Variants in TMEM230 observed in about 807,000 individuals in gnomAD.
TMEM230 encodes the protein transmembrane protein 230.
TMEM230 carries 10 observed loss-of-function variants against 15.8 expected under a neutral mutation model. That is an observed-to-expected ratio of 0.63 (90% CI 0.39 to 1.07). The LOEUF (loss-of-function observed/expected upper bound fraction) is 1.07, where lower values mean the gene tolerates loss of function less well. Among genes scored for constraint, TMEM230 ranks in the 50% least tolerant of loss-of-function variants. TMEM230 has a pLI of 0.01. For missense variants in TMEM230, 165 were observed against 193.3 expected, an observed-to-expected ratio of 0.85 and a Z score of 0.87; for synonymous variants, 67 against 76.9, an observed-to-expected ratio of 0.87 and a Z score of 0.68.
chr20:5,087,105 T>C (rs2089364855), intron 3 of TMEM230, among the ~76,000 whole-genome samples: 3 of 152,042 alleles, frequency 2.0e-5, no homozygotes, highest in African/African-American at 7.2e-5. Context: ...AACTCACAGA[T>C]GCAAGCAATC....
intron 3 of TMEM230, among the ~76,000 whole-genome samples, chr20:5,070,620 G>A (rs1207571862): frequency 6.6e-6 from 1 of 152,196 alleles, no homozygotes; most frequent in Non-Finnish European, 1.5e-5. Flanking sequence ...GTGACAGGTG[G>A]CCTCCTTTCA....
chr20:5,097,296 G>C (rs112050917), downstream of TMEM230, among the ~76,000 whole-genome samples: 155 of 152,258 alleles, frequency 1.0e-3, 3 homozygotes, highest in South Asian at 0.015. Context: ...TCAACCAAGA[G>C]ACCCACCAGA....
chr20:5,095,727 T>C (rs62200436), downstream of TMEM230, among the ~76,000 whole-genome samples: 3 of 152,262 alleles, frequency 2.0e-5, no homozygotes, highest in Non-Finnish European at 2.9e-5. Context: ...GGTAGGGTTC[T>C]TGACATACAG....
chr20:5,090,367 G>A (rs1055897987), intron 3 of TMEM230, among the ~76,000 whole-genome samples: 9 of 152,242 alleles, frequency 5.9e-5, no homozygotes, highest in Middle Eastern at 3.4e-3. Flanking sequence ...TACAAGCATC[G>A]AGAGAGAAAA....
At chr20:5,107,077 G>A (rs374306569) in intron 3 of TMEM230, among the ~76,000 whole-genome samples, 5 of 152,144 alleles carry the variant, frequency 3.3e-5, no homozygotes, top group Admixed American at 6.5e-5. Context: ...TGAGGCAGGC[G>A]GATCACTTGA....
chr20:5,075,355 G>A (rs1374567942), intron 3 of TMEM230, among the ~76,000 whole-genome samples: 4 of 151,554 alleles, frequency 2.6e-5, no homozygotes, highest in Non-Finnish European at 4.4e-5. Flanking sequence ...GTAAGCCACC[G>A]CGCCCGGCCT....
chr20:5,104,313 G>T (rs1460499072), intron 4 of TMEM230, among the ~76,000 whole-genome samples: 1 of 152,168 alleles, frequency 6.6e-6, no homozygotes, highest in African/African-American at 2.4e-5. Context: ...TCCTGCCTCG[G>T]CCTCCAAAAG....
intron 2 of TMEM230, chr20:5,111,250 G>A: frequency 6.6e-6 from 1 of 150,492 alleles, no homozygotes; most frequent in East Asian, 2.0e-4. Flanking sequence ...AAAGCTATAT[G>A]ATCAAAATGG....
At chr20:5,091,756 T>C (rs2089513622) in intron 3 of TMEM230, among the ~76,000 whole-genome samples, 1 of 152,188 alleles carries the variant, frequency 6.6e-6, no homozygotes, top group East Asian at 1.9e-4. Flanking sequence ...CCGTAGTAGA[T>C]GCCCCCAAAA....
chr20:5,090,592 A>G (rs1046045284), intron 3 of TMEM230, among the ~76,000 whole-genome samples: 49 of 152,314 alleles, frequency 3.2e-4, no homozygotes, highest in African/African-American at 1.1e-3. Context: ...TACATAGAAA[A>G]TCATGCAAAT....
chr20:5,071,887 GTGCCACCACGC>G (rs2088840931), intron 3 of TMEM230, among the ~76,000 whole-genome samples: 1 of 151,764 alleles, frequency 6.6e-6, no homozygotes, highest in Admixed American at 6.6e-5. Context: ...TTACAGGTGT[GTGCCACCACGC>G]TGCCACCACA....
chr20:5,071,309 G>C (rs530890557), intron 3 of TMEM230, among the ~76,000 whole-genome samples: 1 of 152,050 alleles, frequency 6.6e-6, no homozygotes, highest in African/African-American at 2.4e-5. Context: ...AGAAAGATGG[G>C]AGCATGAATA....
At chr20:5,081,864 C>CTTTTTTTTTT (rs770805896) in intron 3 of TMEM230, among the ~76,000 whole-genome samples, 21 of 140,332 alleles carry the variant, frequency 1.5e-4, no homozygotes, top group African/African-American at 6.2e-4. Flanking sequence ...CACTGATTTT[C>CTTTTTTTTTT]TTTTTTTTCT....
At chr20:5,104,393 C>T (rs922176270) in intron 4 of TMEM230, among the ~76,000 whole-genome samples, 2 of 152,154 alleles carry the variant, frequency 1.3e-5, no homozygotes, top group South Asian at 2.1e-4. Flanking sequence ...ACGGCAATAA[C>T]GAATGCTAGC....
intron 3 of TMEM230, among the ~76,000 whole-genome samples, chr20:5,072,011 A>C (rs893251919): frequency 3.0e-4 from 46 of 151,298 alleles, no homozygotes; most frequent in African/African-American, 1.1e-3. Flanking sequence ...TCAGCCTCCC[A>C]AAGTGCTGAG....
chr20:5,111,863 T>C lies in TMEM230; in HGVS notation c.69-258A>G, dbSNP rs1170968379. ...CTTTTTTTTTGGTGTTTTCTTTTTT[T>C]TGAGACGGAGTCTCGCTCTGTCACC... On this transcript the variant is annotated intron_variant, in intron 1 of 4. Transcript: ENST00000342308. 6 of 879,488 alleles carry C rather than the reference T, an allele frequency of 6.8e-6. No homozygotes were observed. In the African/African-American group the frequency reaches 1.1e-4, roughly 16 times the overall value. 54.5% of individuals were successfully genotyped at this position (879,488 alleles called of 1,614,324 possible).
exon 4 of TMEM230, chr20:5,069,293 T>C: frequency 6.5e-7 from 1 of 1,536,036 alleles, no homozygotes. Context: ...ACCCACGGGA[T>C]GCTGGTAGAT....
Position 5,100,523 on chromosome 20 carries a change from T to C in TMEM230, c.*268A>G, listed in dbSNP as rs1179232902. 1.7e-6 allele frequency: 2 copies of C among 1,169,662 alleles called. No individual in the cohort carries two copies. The highest frequency in any genetic ancestry group is 2.1e-6 in the Non-Finnish European group (2 of 944,382). 72.5% of individuals were successfully genotyped at this position (1,169,662 alleles called of 1,614,324 possible). On this transcript the variant is annotated 3_prime_UTR_variant, in exon 5 of 5. Transcript: ENST00000342308. Reference sequence around the variant, plus strand: ...ACAGAGGGTGGTGGCAGGCAACACTTTTCCATTACAGAATAACCTCTATTC... The same window carrying C: ...ACAGAGGGTGGTGGCAGGCAACACTCTTCCATTACAGAATAACCTCTATTC...
At chr20:5,108,420 C>CA (rs556966217) in intron 3 of TMEM230, among the ~76,000 whole-genome samples, 948 of 79,536 alleles carry the variant, frequency 0.012, 1 homozygote, top group Middle Eastern at 0.022. Context: ...ACTCCGTCTC[C>CA]AAAAAAAAAA....
Sources: allele counts gnomAD v4.1 joint callset (sites outside exome capture counted in the v4.1 genomes callset), GRCh38; gene constraint gnomAD v4.1.1; transcripts MANE v1.5; gene names NCBI Gene and HGNC (gene_info 2026-07-23, HGNC 2026-07-21).